The following LDB2 variants were observed in gnomAD, a reference collection of about 807,000 sequenced individuals.
LDB2 encodes the protein LIM domain binding 2, also known as LIM domain-binding protein 2.
A neutral mutation model predicts 44.3 loss-of-function variants in LDB2; 12 were observed. The ratio of observed to expected loss-of-function variants is 0.27; its 90% CI spans 0.17 to 0.44. The LOEUF (loss-of-function observed/expected upper bound fraction) is 0.44. Ranked by LOEUF, LDB2 falls within the 20% of genes least tolerant of loss-of-function variation. The probability of loss-of-function intolerance (pLI) is 1.00; values close to 1 mark genes in which losing one functional copy is unlikely to be tolerated. For missense variants in LDB2, 344 were observed against 473.5 expected, an observed-to-expected ratio of 0.73 and a Z score of 2.54; for synonymous variants, 164 against 174.8, an observed-to-expected ratio of 0.94 and a Z score of 0.49.
intron 5 of LDB2, among the ~76,000 whole-genome samples, chr4:16,562,631 G>T (rs1256383635): frequency 6.6e-6 from 1 of 152,196 alleles, no homozygotes; most frequent in East Asian, 1.9e-4. Context: ...CTGTAAACTA[G>T]TTCAACCATT....
intron 5 of LDB2, among the ~76,000 whole-genome samples, chr4:16,557,186 C>A (rs1739972201): frequency 6.6e-6 from 1 of 152,164 alleles, no homozygotes; most frequent in Admixed American, 6.6e-5. Flanking sequence ...ATCTGAGGTA[C>A]CAGGTTCATC....
intron 2 of LDB2, among the ~76,000 whole-genome samples, chr4:16,600,233 A>G (rs1722213534): frequency 1.3e-5 from 2 of 152,328 alleles, no homozygotes; most frequent in Admixed American, 1.3e-4. Flanking sequence ...ATCATATGTC[A>G]AAGTTACACT....
intron 1 of LDB2, among the ~76,000 whole-genome samples, chr4:16,841,651 CTTCT>C (rs1193975865): frequency 1.3e-5 from 2 of 152,116 alleles, no homozygotes; most frequent in Admixed American, 6.6e-5. Flanking sequence ...CCCTTTTCTC[CTTCT>C]TTGAGATAGG....
intron 2 of LDB2, among the ~76,000 whole-genome samples, chr4:16,634,296 CAAAAA>C (rs35227929): frequency 9.5e-6 from 1 of 105,470 alleles, no homozygotes; most frequent in Non-Finnish European, 1.8e-5. Context: ...TTTGCACGGC[CAAAAA>C]AAAAAAAAAA....
intron 2 of LDB2, among the ~76,000 whole-genome samples, chr4:16,754,146 T>C (rs1579348677): frequency 6.6e-6 from 1 of 152,232 alleles, no homozygotes; most frequent in East Asian, 1.9e-4. Context: ...TGGAGTCTTC[T>C]GCCCCACACA....
At chr4:16,631,664 G>T (rs917477958) in intron 2 of LDB2, among the ~76,000 whole-genome samples, 15 of 152,012 alleles carry the variant, frequency 9.9e-5, no homozygotes, top group African/African-American at 3.4e-4. Flanking sequence ...TTTTTGAAAA[G>T]ATAACAAAAT....
intron 2 of LDB2, among the ~76,000 whole-genome samples, chr4:16,702,601 C>T (rs147134774): frequency 7.4e-4 from 112 of 152,322 alleles, no homozygotes; most frequent in African/African-American, 2.7e-3. Context: ...GTGCCTCTCC[C>T]TTGCAGACCC....
At chr4:16,506,604 T>A (rs1410781240) in intron 7 of LDB2, 1 of 152,288 alleles carries the variant, frequency 6.6e-6, no homozygotes, top group Non-Finnish European at 1.5e-5. Flanking sequence ...TACAACCATG[T>A]CAGACATCAC....
At chr4:16,562,931 T>C (rs1362719340) in intron 5 of LDB2, among the ~76,000 whole-genome samples, 13 of 152,098 alleles carry the variant, frequency 8.5e-5, no homozygotes, top group South Asian at 2.1e-4. Context: ...ATGGATGAAA[T>C]TGGAAATCAT....
At chr4:16,531,043 C>T (rs760234194) in intron 5 of LDB2, among the ~76,000 whole-genome samples, 12 of 152,150 alleles carry the variant, frequency 7.9e-5, no homozygotes, top group Non-Finnish European at 1.6e-4. Flanking sequence ...TTGCCCCAGA[C>T]CCATAGCTAG....
At chr4:16,723,167 G>T (rs1378892593) in intron 2 of LDB2, among the ~76,000 whole-genome samples, 1 of 152,110 alleles carries the variant, frequency 6.6e-6, no homozygotes, top group African/African-American at 2.4e-5. Context: ...TAAGAATAAG[G>T]TATTAGGATA....
chr4:16,843,039 AT>A (rs926125803), intron 1 of LDB2, among the ~76,000 whole-genome samples: 42 of 152,138 alleles, frequency 2.8e-4, no homozygotes, highest in Admixed American at 2.0e-3. Context: ...CCACGCAGCC[AT>A]TTTTTTTGTA....
intron 2 of LDB2, among the ~76,000 whole-genome samples, chr4:16,598,569 A>G (rs989830899): frequency 6.6e-6 from 1 of 152,138 alleles, no homozygotes; most frequent in African/African-American, 2.4e-5. Flanking sequence ...AAATATTTGT[A>G]TTTTAAGTCA....
chr4:16,505,910 T>A (rs1719226028), intron 7 of LDB2: 2 of 1,551,378 alleles, frequency 1.3e-6, no homozygotes, highest in Non-Finnish European at 1.7e-6. Flanking sequence ...CCAGAAGGGG[T>A]CACTGCTGTT....
chr4:16,605,154 C>A (rs1723582484), intron 2 of LDB2, among the ~76,000 whole-genome samples: 1 of 151,976 alleles, frequency 6.6e-6, no homozygotes, highest in Non-Finnish European at 1.5e-5. Flanking sequence ...TAGGATGATC[C>A]CGGTTATGGT....
rs570504698 is a variant in LDB2, at chr4:16,830,308, G to C, written c.132+68046C>G. 2.0e-5 allele frequency among the ~76,000 whole-genome samples: 3 copies of C among 152,026 alleles called. No individual in the cohort carries two copies. The South Asian group carries it at 6.2e-4, about 32-fold the overall frequency. ...ACAGTGAGTGAGTTCTCAGGAAATCGGATGGTTTTTGTAAAGGGCTCTTCC... is the reference window on the plus strand; with the variant it reads ...ACAGTGAGTGAGTTCTCAGGAAATCCGATGGTTTTTGTAAAGGGCTCTTCC... On this transcript the variant is annotated intron_variant, in intron 1 of 7. Coordinates refer to ENST00000304523, the MANE Select transcript of LDB2 (RefSeq NM_001290.5).
chr4:16,575,306 T>G (rs1450496453), intron 5 of LDB2, among the ~76,000 whole-genome samples: 1 of 152,198 alleles, frequency 6.6e-6, no homozygotes, highest in Non-Finnish European at 1.5e-5. Context: ...AAATATCTTT[T>G]GGCTGAGATA....
At chr4:16,844,015 G>A (rs143642014) in intron 1 of LDB2, among the ~76,000 whole-genome samples, 1 of 150,718 alleles carries the variant, frequency 6.6e-6, no homozygotes, top group East Asian at 2.0e-4. Flanking sequence ...CAGTTTGGGA[G>A]CCTAAAATGG....
At chr4:16,771,115 A>G (rs781118187) in intron 1 of LDB2, among the ~76,000 whole-genome samples, 5 of 152,164 alleles carry the variant, frequency 3.3e-5, no homozygotes, top group Non-Finnish European at 7.3e-5. Flanking sequence ...TTGCATTTGA[A>G]TAGTTGATCA....
Sources: allele counts gnomAD v4.1 joint callset (sites outside exome capture counted in the v4.1 genomes callset), GRCh38; gene constraint gnomAD v4.1.1; transcripts MANE v1.5; gene names NCBI Gene and HGNC (gene_info 2026-07-23, HGNC 2026-07-21).